SLIT3: variants seen among roughly 807,000 people sequenced by gnomAD.
SLIT3 encodes slit homolog 3 protein.
Under a neutral mutation model 184.0 loss-of-function variants are expected in SLIT3, and 68 were observed. That is an observed-to-expected ratio of 0.37 (90% CI 0.30 to 0.45). SLIT3 has a LOEUF of 0.45. Ranked by LOEUF, SLIT3 falls within the 20% of genes least tolerant of loss-of-function variation. The pLI, the probability that SLIT3 is intolerant of heterozygous loss-of-function variation, is 1.00. For missense variants in SLIT3, 1,707 were observed against 2,026.0 expected (o/e 0.84, Z 3.02); for synonymous variants, 831 against 828.6 (o/e 1.00, Z -0.05).
intron 15 of SLIT3, 44 bp downstream of exon 15, chr5:168,762,495 G>C: frequency 6.3e-7 from 1 of 1,592,456 alleles, no homozygotes; most frequent in Non-Finnish European, 8.6e-7. Flanking sequence ...CGGGTGACTG[G>C]CGTGTGGGGA....
At chr5:168,738,704 C>T (rs142789228) in intron 20 of SLIT3, among the ~76,000 whole-genome samples, 23,464 of 151,956 alleles carry the variant, frequency 0.15, 2,332 homozygotes, top group Non-Finnish European at 0.22. Flanking sequence ...TTTGGGAGGC[C>T]GAGGCAGGTG....
chr5:169,061,419 T>G (rs776073533), intron 4 of SLIT3, among the ~76,000 whole-genome samples: 2 of 152,172 alleles, frequency 1.3e-5, no homozygotes, highest in Non-Finnish European at 2.9e-5. Context: ...AATTCTCCCC[T>G]CAATCAGCCA....
intron 3 of SLIT3, among the ~76,000 whole-genome samples, chr5:169,208,386 C>T (rs562755064): frequency 6.6e-6 from 1 of 152,164 alleles, no homozygotes; most frequent in South Asian, 2.1e-4. Flanking sequence ...AGTGGTATTC[C>T]TAGATATTTT....
intron 32 of SLIT3, among the ~76,000 whole-genome samples, chr5:168,678,637 C>T (rs756520465): frequency 1.4e-4 from 22 of 151,914 alleles, no homozygotes; most frequent in Non-Finnish European, 2.6e-4. Context: ...GAGCCAAGAT[C>T]GCGCTACTGC....
chr5:169,253,709 G>A (rs1359789958), intron 1 of SLIT3, among the ~76,000 whole-genome samples: 2 of 152,104 alleles, frequency 1.3e-5, no homozygotes, highest in East Asian at 1.9e-4. Flanking sequence ...TCTCAACTTT[G>A]AAATTTCAGT....
At chr5:168,778,502 C>G (rs866148604) in intron 12 of SLIT3, among the ~76,000 whole-genome samples, 1 of 152,208 alleles carries the variant, frequency 6.6e-6, no homozygotes, top group African/African-American at 2.4e-5. Flanking sequence ...CCTGGGAGTG[C>G]AGAGGCATCA....
chr5:168,866,140 G>A (rs967847540), intron 5 of SLIT3, among the ~76,000 whole-genome samples: 2 of 152,138 alleles, frequency 1.3e-5, no homozygotes, highest in Non-Finnish European at 2.9e-5. Flanking sequence ...CAGCCAGCTC[G>A]CAGCCTAGCC....
chr5:168,907,975 T>TAGAGAG (rs1421951059), intron 4 of SLIT3, among the ~76,000 whole-genome samples: 130 of 64,614 alleles, frequency 2.0e-3, no homozygotes, highest in South Asian at 5.1e-3. Context: ...TATATATATA[T>TAGAGAG]ATATAGAGAG....
intron 32 of SLIT3, among the ~76,000 whole-genome samples, chr5:168,678,776 A>G (rs913217680): frequency 6.2e-5 from 9 of 144,758 alleles, no homozygotes; most frequent in Non-Finnish European, 1.0e-4. Flanking sequence ...AAAGTAGAGG[A>G]AAAAAAAGGA....
At chr5:168,821,009 G>A (rs1757512248) in intron 7 of SLIT3, among the ~76,000 whole-genome samples, 1 of 152,076 alleles carries the variant, frequency 6.6e-6, no homozygotes, top group Non-Finnish European at 1.5e-5. Flanking sequence ...GTCAGCTCAA[G>A]TCTCCAGGGA....
Position 168,664,150 on chromosome 5 carries a change from A to G in SLIT3, c.*2304T>C, listed in dbSNP as rs1041396228. 6.6e-6 allele frequency: 1 copy of G among 152,220 alleles called. No homozygotes were observed. The highest frequency in any genetic ancestry group is 2.4e-5 in the African/African-American group (1 of 41,468). 9.4% of individuals were successfully genotyped at this position (152,220 alleles called of 1,614,324 possible). On this transcript the variant is annotated 3_prime_UTR_variant, in exon 36 of 36. Transcript: ENST00000519560. Reference sequence around the variant, plus strand: ...GTTGTTTCAATAATTAAATGAATATATATCTATTTCACAATTAGAGTGGTA... The same window carrying G: ...GTTGTTTCAATAATTAAATGAATATGTATCTATTTCACAATTAGAGTGGTA...
intron 3 of SLIT3, among the ~76,000 whole-genome samples, chr5:169,244,252 C>G (rs1376758417): frequency 6.6e-6 from 1 of 152,252 alleles, no homozygotes; most frequent in African/African-American, 2.4e-5. Context: ...CCAGTCCTTC[C>G]TCTCCCCGCA....
chr5:169,171,230 C>T (rs1325201415), intron 4 of SLIT3, among the ~76,000 whole-genome samples: 1 of 152,168 alleles, frequency 6.6e-6, no homozygotes, highest in Non-Finnish European at 1.5e-5. Context: ...GCATTGTACT[C>T]AACACTTTGT....
At chr5:168,727,960 G>A (rs1313763271) in intron 20 of SLIT3, among the ~76,000 whole-genome samples, 1 of 152,160 alleles carries the variant, frequency 6.6e-6, no homozygotes, top group Non-Finnish European at 1.5e-5. Flanking sequence ...AGGCAGAGAA[G>A]CGCTGGTCCA....
At chr5:169,151,786 G>C (rs575664259) in intron 4 of SLIT3, among the ~76,000 whole-genome samples, 2 of 152,296 alleles carry the variant, frequency 1.3e-5, no homozygotes, top group East Asian at 3.9e-4. Context: ...ACATCCCTCA[G>C]TGGTCAGGAA....
intron 5 of SLIT3, among the ~76,000 whole-genome samples, chr5:168,854,503 G>A (rs1210958985): frequency 6.6e-6 from 1 of 152,188 alleles, no homozygotes; most frequent in Non-Finnish European, 1.5e-5. Context: ...ATGGATGGGT[G>A]TCTGCACCTT....
At chr5:168,855,182 C>T (rs550452025) in intron 5 of SLIT3, among the ~76,000 whole-genome samples, 16 of 152,088 alleles carry the variant, frequency 1.1e-4, no homozygotes, top group Non-Finnish European at 2.1e-4. Flanking sequence ...ACTTCACACA[C>T]ACTAGAAAGG....
chr5:168,806,708 C>T, intron 8 of SLIT3, 121 bp from the exon 9 acceptor site: 1 of 1,111,690 alleles, frequency 9.0e-7, no homozygotes, highest in South Asian at 1.5e-5. Context: ...GAAATGATCA[C>T]CAGCTGACAT....
intron 1 of SLIT3, among the ~76,000 whole-genome samples, chr5:169,267,764 G>A (rs922816606): frequency 6.6e-6 from 1 of 152,094 alleles, no homozygotes; most frequent in African/African-American, 2.4e-5. Flanking sequence ...ACTCATATGG[G>A]GCCTGGTTGC....
Sources: gnomAD v4.1 joint callset for allele counts (sites outside exome capture counted in the v4.1 genomes callset) on GRCh38, gnomAD v4.1.1 for gene constraint, MANE v1.5 for transcripts, NCBI Gene and HGNC (gene_info 2026-07-23, HGNC 2026-07-21) for gene names.